The following CCDC181 variants were observed in gnomAD, a reference collection of about 807,000 sequenced individuals.
CCDC181 encodes coiled-coil domain-containing protein 181.
In CCDC181, 35 loss-of-function variants were observed where a neutral mutation model predicts 58.7. The ratio of observed to expected loss-of-function variants is 0.60; its 90% CI spans 0.46 to 0.79. The LOEUF is 0.79. Ranked by LOEUF, CCDC181 falls within the 30% of genes least tolerant of loss-of-function variation. The probability of loss-of-function intolerance (pLI) is 0.00; values close to 1 mark genes in which losing one functional copy is unlikely to be tolerated. For missense variants in CCDC181, 517 were observed against 583.9 expected (o/e 0.89, Z 1.18); for synonymous variants, 183 against 197.5 (o/e 0.93, Z 0.62).
intron 2 of CCDC181, among the ~76,000 whole-genome samples, chr1:169,437,805 C>T (rs1257084244): frequency 6.6e-6 from 1 of 152,142 alleles, no homozygotes; most frequent in Non-Finnish European, 1.5e-5. Context: ...TTTAAAGGAA[C>T]AGTGTACTAT....
intron 4 of CCDC181, among the ~76,000 whole-genome samples, chr1:169,405,322 G>C (rs903291171): frequency 6.6e-6 from 1 of 152,024 alleles, no homozygotes; most frequent in Admixed American, 6.6e-5. Context: ...AGTTCATATG[G>C]AACCAAAAAA....
chr1:169,430,046 A>G (rs552324221), upstream of CCDC181, among the ~76,000 whole-genome samples: 7 of 152,246 alleles, frequency 4.6e-5, no homozygotes, highest in East Asian at 1.9e-4. Flanking sequence ...TCCCAGCACC[A>G]TTTGTTGAAT....
At chr1:169,429,888 G>A (rs1218471105), upstream of CCDC181, among the ~76,000 whole-genome samples, 2 of 152,226 alleles carry the variant, frequency 1.3e-5, no homozygotes, top group Admixed American at 6.5e-5. Flanking sequence ...CAACGCCAAT[G>A]TCTAGAAGGG....
intron 4 of CCDC181, among the ~76,000 whole-genome samples, chr1:169,412,958 G>A (rs1051547103): frequency 6.6e-6 from 1 of 152,140 alleles, no homozygotes; most frequent in Non-Finnish European, 1.5e-5. Flanking sequence ...CAGGACACAG[G>A]CATGGGCAAA....
At chr1:169,444,340 G>A (rs1434186531) in intron 2 of CCDC181, among the ~76,000 whole-genome samples, 3 of 152,124 alleles carry the variant, frequency 2.0e-5, no homozygotes, top group Non-Finnish European at 4.4e-5. Flanking sequence ...GAAATCACGA[G>A]TGTTCCTCAG....
intron 2 of CCDC181, among the ~76,000 whole-genome samples, chr1:169,458,520 T>G (rs1337792780): frequency 6.6e-6 from 1 of 152,160 alleles, no homozygotes; most frequent in African/African-American, 2.4e-5. Context: ...TCTGTCCCCA[T>G]GGAGTTGGGG....
At chr1:169,431,686 C>T (rs1300922522), upstream of CCDC181, among the ~76,000 whole-genome samples, 1 of 152,134 alleles carries the variant, frequency 6.6e-6, no homozygotes, top group Admixed American at 6.5e-5. Flanking sequence ...AACCCCAAAC[C>T]CCAGCTCCCT....
chr1:169,404,004 CAA>C (rs1655509689), intron 4 of CCDC181, among the ~76,000 whole-genome samples: 1 of 152,174 alleles, frequency 6.6e-6, no homozygotes, highest in Non-Finnish European at 1.5e-5. Flanking sequence ...CACAGAAATA[CAA>C]ACTACCATCA....
upstream of CCDC181, among the ~76,000 whole-genome samples, chr1:169,428,553 A>G (rs1002294364): frequency 6.6e-6 from 1 of 152,112 alleles, no homozygotes; most frequent in African/African-American, 2.4e-5. Context: ...GTTTGGTTAC[A>G]TGGATAAGTT....
At chr1:169,442,073 A>G (rs543851580) in intron 2 of CCDC181, among the ~76,000 whole-genome samples, 13 of 152,148 alleles carry the variant, frequency 8.5e-5, no homozygotes, top group Non-Finnish European at 1.9e-4. Context: ...TAGAAAAGCA[A>G]TATTTATTTA....
intron 2 of CCDC181, among the ~76,000 whole-genome samples, chr1:169,455,550 G>A (rs913963955): frequency 1.3e-5 from 2 of 152,076 alleles, no homozygotes; most frequent in Non-Finnish European, 2.9e-5. Context: ...TTCTTTAGGA[G>A]CAATTCTATT....
rs1655186884 is a variant in CCDC181 at position 169,398,756 on chromosome 1, A to C, written c.1216-1365T>G. Among the ~76,000 whole-genome samples, 7 of 152,352 alleles carry C rather than the reference A, an allele frequency of 4.6e-5. No individual in the cohort carries two copies. In the South Asian group the frequency reaches 1.5e-3, roughly 32 times the overall value. On this transcript the variant is annotated intron_variant, in intron 4 of 5. Transcript: ENST00000367806. ...ATACAGAAAATTTCCATCATCCCAG[A>C]AAGTTCTATTGGACAGTGTTCTGCA...
chr1:169,402,246 A>C (rs1274522773), intron 4 of CCDC181, among the ~76,000 whole-genome samples: 1 of 152,256 alleles, frequency 6.6e-6, no homozygotes, highest in Non-Finnish European at 1.5e-5. Context: ...GATATGATCC[A>C]GGAGAACTTC....
intron 4 of CCDC181, among the ~76,000 whole-genome samples, chr1:169,399,890 A>T (rs1655241118): frequency 6.6e-6 from 1 of 152,188 alleles, no homozygotes; most frequent in South Asian, 2.1e-4. Context: ...AGCAGTCACT[A>T]GTCTCACTGG....
chr1:169,434,627 T>C (rs563094059), intron 2 of CCDC181, among the ~76,000 whole-genome samples: 2 of 152,066 alleles, frequency 1.3e-5, no homozygotes, highest in East Asian at 3.9e-4. Flanking sequence ...TTCTAACATA[T>C]GCTACAATGG....
At chr1:169,460,066 C>T (rs547031067) in intron 1 of CCDC181, among the ~76,000 whole-genome samples, 136 of 152,180 alleles carry the variant, frequency 8.9e-4, no homozygotes, top group African/African-American at 3.2e-3. Context: ...GCCTGTGATT[C>T]CTCTGAAAGA....
intron 2 of CCDC181, among the ~76,000 whole-genome samples, chr1:169,437,700 G>C (rs1385336757): frequency 6.6e-6 from 1 of 152,150 alleles, no homozygotes; most frequent in African/African-American, 2.4e-5. Flanking sequence ...GAACCACTTT[G>C]CAACTGTCTG....
chr1:169,448,457 A>G (rs1300734619), intron 2 of CCDC181, among the ~76,000 whole-genome samples: 11 of 152,188 alleles, frequency 7.2e-5, no homozygotes, highest in African/African-American at 2.6e-4. Flanking sequence ...ATGTAGAATT[A>G]TAGGTTACAG....
At chr1:169,411,967 A>G (rs1368795224) in intron 4 of CCDC181, among the ~76,000 whole-genome samples, 1 of 152,234 alleles carries the variant, frequency 6.6e-6, no homozygotes, top group Non-Finnish European at 1.5e-5. Flanking sequence ...GAAAACTGGC[A>G]TAAGACAAGG....
Sources: allele counts gnomAD v4.1 joint callset (sites outside exome capture counted in the v4.1 genomes callset), GRCh38; gene constraint gnomAD v4.1.1; transcripts MANE v1.5; gene names NCBI Gene and HGNC (gene_info 2026-07-23, HGNC 2026-07-21).